MAST4: variants seen among roughly 807,000 people sequenced by gnomAD.
MAST4 encodes the protein microtubule associated serine/threonine kinase family member 4.
MAST4 carries 89 observed loss-of-function variants against 162.7 expected under a neutral mutation model. That is an observed-to-expected ratio of 0.55 (90% CI 0.46 to 0.65). The LOEUF (loss-of-function observed/expected upper bound fraction) is 0.65. Ranked by LOEUF, MAST4 falls within the 30% of genes least tolerant of loss-of-function variation. The probability of loss-of-function intolerance (pLI) is 0.00; values close to 1 mark genes in which losing one functional copy is unlikely to be tolerated. For missense variants in MAST4, 3,153 were observed against 3,374.0 expected (o/e 0.93, Z 1.62); for synonymous variants, 1,479 against 1,361.1 (o/e 1.09, Z -1.91).
At chr5:67,047,328 A>G (rs1757499870) in intron 4 of MAST4, among the ~76,000 whole-genome samples, 1 of 152,046 alleles carries the variant, frequency 6.6e-6, no homozygotes, top group African/African-American at 2.4e-5. Context: ...TGGCTCTACC[A>G]TCCTCTGCTG....
At chr5:67,118,518 C>A (rs1390214625) in intron 12 of MAST4, among the ~76,000 whole-genome samples, 164 bp from the exon 13 acceptor site, 1 of 152,168 alleles carries the variant, frequency 6.6e-6, no homozygotes, top group Non-Finnish European at 1.5e-5. Context: ...TTTCAAAATA[C>A]CAATTGCTGC....
rs117622517 is a variant in MAST4 at position 66,770,461 on chromosome 5, C to T, written c.517+10599C>T. ...CTCATCTCCCATGCAGGTGGTCTAC[C>T]GATGAGTCATTGCCCCTCTAACAGG... On this transcript the variant is annotated intron_variant, in intron 2 of 28. Transcript: ENST00000403625. Among the ~76,000 whole-genome samples, 182 of 152,266 alleles carry T rather than the reference C, an allele frequency of 1.2e-3. No homozygotes were observed. In the East Asian group the frequency reaches 0.013, roughly 11 times the overall value.
intron 3 of MAST4, among the ~76,000 whole-genome samples, chr5:66,796,744 A>G (rs1210883973): frequency 6.6e-6 from 1 of 152,182 alleles, no homozygotes; most frequent in African/African-American, 2.4e-5. Context: ...TGTTTACCCA[A>G]CTGGTGTGCC....
intron 2 of MAST4, among the ~76,000 whole-genome samples, chr5:66,780,627 G>A (rs1754824966): frequency 6.6e-6 from 1 of 152,194 alleles, no homozygotes; most frequent in Non-Finnish European, 1.5e-5. Flanking sequence ...GACCCAAGCA[G>A]GTTGCTGCTG....
chr5:66,637,058 T>G (rs946319943), intron 1 of MAST4, among the ~76,000 whole-genome samples: 2 of 152,322 alleles, frequency 1.3e-5, no homozygotes, highest in African/African-American at 4.8e-5. Context: ...CGTACATGCA[T>G]ACACTTTTTA....
intron 4 of MAST4, among the ~76,000 whole-genome samples, chr5:66,949,098 T>C (rs1744374337): frequency 6.6e-6 from 1 of 152,110 alleles, no homozygotes; most frequent in Non-Finnish European, 1.5e-5. Context: ...AATGAATACA[T>C]TACCTGGAAA....
At chr5:66,991,284 A>G (rs1359349331) in intron 4 of MAST4, among the ~76,000 whole-genome samples, 1 of 152,236 alleles carries the variant, frequency 6.6e-6, no homozygotes, top group Non-Finnish European at 1.5e-5. Context: ...GCCAAAAAAG[A>G]ACCAAGAGTT....
chr5:66,982,799 A>T (rs777968245), intron 4 of MAST4, among the ~76,000 whole-genome samples: 16 of 152,186 alleles, frequency 1.1e-4, no homozygotes, highest in African/African-American at 4.8e-5. Context: ...CTCCCTCATT[A>T]AAGTGCCTAT....
intron 5 of MAST4, among the ~76,000 whole-genome samples, chr5:67,067,515 C>T (rs1430421976): frequency 6.6e-6 from 1 of 152,190 alleles, no homozygotes; most frequent in Non-Finnish European, 1.5e-5. Flanking sequence ...GATACGACAT[C>T]ATAGTGTGTA....
At chr5:66,942,583 T>A (rs1051490268) in intron 4 of MAST4, among the ~76,000 whole-genome samples, 1 of 152,104 alleles carries the variant, frequency 6.6e-6, no homozygotes, top group Non-Finnish European at 1.5e-5. Flanking sequence ...GATGCTGATA[T>A]GAGAATGTGG....
chr5:66,832,057 C>T (rs1757638205), intron 3 of MAST4, among the ~76,000 whole-genome samples: 2 of 152,042 alleles, frequency 1.3e-5, no homozygotes, highest in African/African-American at 4.8e-5. Flanking sequence ...GATCCTAAGG[C>T]TGGAGAACAA....
intron 1 of MAST4, among the ~76,000 whole-genome samples, chr5:66,717,881 G>T (rs1750940229): frequency 6.6e-6 from 1 of 152,176 alleles, no homozygotes; most frequent in Admixed American, 6.5e-5. Flanking sequence ...GTTAGGCATA[G>T]CCCTGCTCAC....
At chr5:66,940,098 T>A (rs895519755) in intron 4 of MAST4, among the ~76,000 whole-genome samples, 5 of 152,144 alleles carry the variant, frequency 3.3e-5, no homozygotes, top group Admixed American at 3.3e-4. Flanking sequence ...TATATATGTA[T>A]ATATGTATAT....
chr5:66,963,893 G>A lies in MAST4; in HGVS notation c.674+63911G>A, dbSNP rs2150169452. The A allele has an allele frequency of 3.9e-6, 3 of 766,492 alleles. No homozygotes were observed. In the South Asian group the frequency reaches 4.2e-5, roughly 11 times the overall value. 47.5% of individuals were successfully genotyped at this position (766,492 alleles called of 1,614,324 possible). A position where few individuals can be genotyped will look rare whatever the true frequency, so the allele number is the denominator to read the frequency against. ...AGACTCTGCAATCCACAATCCACAG[G>A]GTGAGGAAACTGGTTGAATTGTTTA... On this transcript the variant is annotated intron_variant, in intron 4 of 28. Coordinates refer to ENST00000403625, the MANE Select transcript of MAST4 (RefSeq NM_001164664.2).
At chr5:66,805,073 A>G (rs1481825604) in intron 3 of MAST4, among the ~76,000 whole-genome samples, 3 of 152,146 alleles carry the variant, frequency 2.0e-5, no homozygotes, top group Non-Finnish European at 2.9e-5. Context: ...GCCATCTTCA[A>G]TTCTACCAAT....
At chr5:66,851,638 T>C (rs1759320673) in intron 3 of MAST4, among the ~76,000 whole-genome samples, 1 of 152,232 alleles carries the variant, frequency 6.6e-6, no homozygotes, top group Admixed American at 6.5e-5. Context: ...ACCTGTGCTA[T>C]GTATCTAAAT....
At chr5:66,736,055 A>G (rs746437427) in intron 1 of MAST4, among the ~76,000 whole-genome samples, 20 of 152,154 alleles carry the variant, frequency 1.3e-4, no homozygotes, top group Non-Finnish European at 2.1e-4. Context: ...TCCCATTTCT[A>G]TCACTTGTTT....
At chr5:67,053,333 T>A (rs542087221) in intron 4 of MAST4, among the ~76,000 whole-genome samples, 143 of 152,312 alleles carry the variant, frequency 9.4e-4, no homozygotes, top group African/African-American at 3.4e-3. Flanking sequence ...TGTACCTAAA[T>A]TAGAAGTCCA....
rs140498356 is a variant in MAST4, at chr5:67,019,402, A to T, written c.675-35002A>T. 4.1e-3 allele frequency among the ~76,000 whole-genome samples: 623 copies of T among 152,336 alleles called. 5 individuals carry two copies. Among genetic ancestry groups the T allele is most frequent in the African/African-American group, 0.014 (587 of 41,582 alleles). On this transcript the variant is annotated intron_variant, in intron 4 of 28. Transcript: ENST00000403625. The stretch of plus-strand genomic sequence containing the variant: ...CTCTTGAAATGCTCCCTTTAAAAAT[A>T]CTAATGCTAGCTCAGAAACACTCCA...
Sources: allele counts gnomAD v4.1 joint callset (sites outside exome capture counted in the v4.1 genomes callset), GRCh38; gene constraint gnomAD v4.1.1; transcripts MANE v1.5; gene names NCBI Gene and HGNC (gene_info 2026-07-23, HGNC 2026-07-21).